The following GGT1 variants were observed in gnomAD, a reference collection of about 807,000 sequenced individuals.
GGT1 encodes the protein gamma-glutamyltransferase 1, also known as glutathione hydrolase 1 proenzyme.
GGT1 carries 21 observed loss-of-function variants against 56.0 expected under a neutral mutation model. The observed-to-expected ratio is 0.38, with a 90% CI of 0.27 to 0.54. GGT1 has a LOEUF of 0.54. Among genes scored for constraint, GGT1 ranks in the 20% least tolerant of loss-of-function variants. GGT1 has a pLI of 0.82. For synonymous variants in GGT1, 238 were observed against 342.6 expected (o/e 0.69, Z 3.37); for missense variants, 466 against 787.0 (o/e 0.59, Z 4.88).
intron 11 of GGT1, among the ~76,000 whole-genome samples, chr22:24,626,919 G>A (rs1381674391): frequency 1.0e-4 from 15 of 149,628 alleles, no homozygotes; most frequent in Non-Finnish European, 1.5e-4. Flanking sequence ...ACCTGCCTCA[G>A]GGCCTTTGCA....
At chr22:24,592,498 C>T (rs752511750), upstream of GGT1, 9 of 444,758 alleles carry the variant, frequency 2.0e-5, no homozygotes, top group Non-Finnish European at 4.2e-5. Context: ...CCACTCCTCC[C>T]GGGCCCCTCC....
At chr22:24,586,123 C>G in the GGT1 span, 4 of 1,613,094 alleles carry the variant, frequency 2.5e-6, no homozygotes, top group Non-Finnish European at 3.4e-6. Context: ...AAGCAGGGAA[C>G]TTGGTGGTGT....
At chr22:24,601,336 G>A (rs2045778892), upstream of GGT1, among the ~76,000 whole-genome samples, 1 of 152,240 alleles carries the variant, frequency 6.6e-6, no homozygotes, top group African/African-American at 2.4e-5. Context: ...GGCTTTCTGG[G>A]TGATTGCTGG....
chr22:24,597,663 A>C (rs149878918), intron 1 of GGT1, among the ~76,000 whole-genome samples: 1,399 of 79,608 alleles, frequency 0.018, 11 homozygotes, highest in South Asian at 0.027. Flanking sequence ...CCTGGGTGAC[A>C]GAGTGAGACT....
In GGT1 at chr22:24,620,453, G is replaced by T; in HGVS notation, c.508G>T (p.Val170Leu). Residue 170 changes from valine to leucine, a missense_variant, in exon 8 of 16, where the codon GTG becomes TTG. Around this residue, in one of 2 missense-constraint regions of GGT1, gnomAD observed 456 missense variants for 716.7 expected, o/e 0.64. Transcript: ENST00000400382. This position sits in a 1 kb window ranked among gnomAD's most constrained non-coding sequence, Gnocchi z 5.6. ...SIQLARQGFP[V>L]GKGLAAALEN... ...CCAGCTGGCCCGCCAGGGCTTCCCC[G>T]TGGGCAAGGGCTTGGCGGCAGCCCT... 1 of 1,611,832 alleles carries T rather than the reference G, an allele frequency of 6.2e-7. No homozygotes were observed. Among genetic ancestry groups the T allele is most frequent in the Non-Finnish European group, 8.5e-7 (1 of 1,179,788 alleles).
intron 11 of GGT1, among the ~76,000 whole-genome samples, chr22:24,626,008 TC>T (rs2147521619): frequency 7.4e-6 from 1 of 134,890 alleles, no homozygotes; most frequent in African/African-American, 3.2e-5. Flanking sequence ...TGAGACGGAG[TC>T]TCGCTCTGTC....
the GGT1 span, chr22:24,589,267 T>G: frequency 7.9e-7 from 1 of 1,261,144 alleles, no homozygotes; most frequent in South Asian, 1.3e-5. Context: ...TCTGGGCAGC[T>G]GTGGGGTGGA....
At chr22:24,595,802 C>A (rs1334650706) in intron 1 of GGT1, among the ~76,000 whole-genome samples, 1 of 152,224 alleles carries the variant, frequency 6.6e-6, no homozygotes, top group Non-Finnish European at 1.5e-5. Context: ...AGGTAGAGGG[C>A]TGCAGCCAGG....
At chr22:24,623,734 A>G (rs1569063870) in intron 10 of GGT1, 46 bp from the exon 11 acceptor site, 1 of 1,586,446 alleles carries the variant, frequency 6.3e-7, no homozygotes, top group Non-Finnish European at 8.6e-7. Context: ...TGAGCCCCTC[A>G]GAGCCTCTGG....
Position 24,620,325 on chromosome 22 carries a change from CA to C in GGT1, c.383-2del, listed in dbSNP as rs1363189146. On this transcript the variant is annotated splice_acceptor_variant, in intron 7 of 15. Coordinates refer to ENST00000400382, the MANE Select transcript of GGT1 (RefSeq NM_001288833.2). LOFTEE classifies it high-confidence loss of function. This position sits in a 1 kb window ranked among gnomAD's most constrained non-coding sequence, Gnocchi z 5.6. ...GTCACTAACTATGGCTCTCTCTCCC[CA>C]GGGGGGCTGTCGGTGGCGGTGCCTG... 6.2e-7 allele frequency: 1 copy of C among 1,611,548 alleles called. No individual in the cohort carries two copies. The highest frequency in any genetic ancestry group is 8.5e-7 in the Non-Finnish European group (1 of 1,179,748).
chr22:24,589,290 C>T, the GGT1 span: 18 of 1,229,820 alleles, frequency 1.5e-5, no homozygotes, highest in Non-Finnish European at 1.9e-5. Flanking sequence ...CTGCAGGTGG[C>T]AAACTCCACC....
At chr22:24,605,939 A>G (rs1440125839) in intron 1 of GGT1, among the ~76,000 whole-genome samples, 4 of 90,362 alleles carry the variant, frequency 4.4e-5, no homozygotes, top group African/African-American at 2.0e-4. Flanking sequence ...ATTATATATA[A>G]TATATAATAT....
chr22:24,627,321 G>C (rs956475221), intron 11 of GGT1, 111 bp from the exon 12 acceptor site: 1 of 1,368,420 alleles, frequency 7.3e-7, no homozygotes, highest in Non-Finnish European at 1.0e-6. Context: ...ACGGAAGGTT[G>C]TGGGTGCCAG....
In GGT1 at chr22:24,627,869, G is replaced by T. The variant is rs777541666; in HGVS notation, c.1226G>T (p.Arg409Leu). The T allele has an allele frequency of 6.2e-7, 1 of 1,613,636 alleles. No homozygotes were observed. The highest frequency in any genetic ancestry group is 8.5e-7 in the Non-Finnish European group (1 of 1,179,684). Residue 409 changes from arginine (R) to leucine (L), a missense_variant, in exon 13 of 16, where the codon CGC becomes CTC. By Grantham distance (102) the Arg-to-Leu change is moderately radical. This residue lies in a region of GGT1 where 456 missense variants were observed against 716.7 expected (regional missense o/e 0.64). Transcript: ENST00000400382. ...GGCGGTAGCTTTGGCTCCAAGGTCC[G>T]CTCCCCGGTCAGCGGGATCCTGTTC... The part of the protein sequence containing the change: ...TINLYFGSKV[R>L]SPVSGILFNN...
At chr22:24,602,223 G>C (rs542972455), upstream of GGT1, among the ~76,000 whole-genome samples, 1 of 152,290 alleles carries the variant, frequency 6.6e-6, no homozygotes, top group African/African-American at 2.4e-5. Context: ...CCGCCTGGCA[G>C]GTCCTCCCCA....
chr22:24,588,649 GC>G, the GGT1 span: 1 of 1,141,236 alleles, frequency 8.8e-7, no homozygotes, highest in Non-Finnish European at 1.1e-6. Flanking sequence ...CCGGCTGCCT[GC>G]CCACCCTCAG....
chr22:24,616,736 G>A (rs2047095861), intron 7 of GGT1, among the ~76,000 whole-genome samples: 1 of 151,624 alleles, frequency 6.6e-6, no homozygotes, highest in Middle Eastern at 3.2e-3. Context: ...TAGTAGAGAC[G>A]GGTTTTCACT....
chr22:24,612,898 C>T (rs1403418964), intron 5 of GGT1, among the ~76,000 whole-genome samples: 6 of 151,786 alleles, frequency 4.0e-5, no homozygotes, highest in Admixed American at 2.0e-4. Flanking sequence ...CGATCATAGC[C>T]CACTGCAGCC....
At chr22:24,625,531 G>T (rs1456090486) in intron 11 of GGT1, among the ~76,000 whole-genome samples, 1 of 151,738 alleles carries the variant, frequency 6.6e-6, no homozygotes, top group Non-Finnish European at 1.5e-5. Context: ...CTCCCAAAGC[G>T]CTGGGATTAC....
Sources: gnomAD v4.1 joint callset for allele counts (sites outside exome capture counted in the v4.1 genomes callset) on GRCh38, gnomAD v4.1.1 for gene constraint, gnomAD v4.1.1 regional missense constraint, Gnocchi (gnomAD v3.1) non-coding constraint, MANE v1.5 for transcripts, NCBI Gene and HGNC (gene_info 2026-07-23, HGNC 2026-07-21) for gene names.